Variants in KCNH7 observed in about 807,000 individuals in gnomAD.
KCNH7 encodes the protein voltage-gated inwardly rectifying potassium channel KCNH7.
KCNH7 carries 49 observed loss-of-function variants against 120.8 expected under a neutral mutation model. The ratio of observed to expected loss-of-function variants is 0.41; its 90% CI spans 0.32 to 0.51. KCNH7 has a LOEUF of 0.51. Ranked by LOEUF, KCNH7 falls within the 20% of genes least tolerant of loss-of-function variation. The pLI, the probability that KCNH7 is intolerant of heterozygous loss-of-function variation, is 0.38. For missense variants in KCNH7, 1,097 were observed against 1,446.6 expected (o/e 0.76, Z 3.92); for synonymous variants, 547 against 516.1 (o/e 1.06, Z -0.81).
At chr2:162,811,485 T>C (rs957678010) in intron 2 of KCNH7, among the ~76,000 whole-genome samples, 3 of 152,096 alleles carry the variant, frequency 2.0e-5, no homozygotes, top group South Asian at 2.1e-4. Flanking sequence ...GGTCCCTATT[T>C]TACAACTGAG....
At chr2:162,653,106 G>T (rs1168519586) in intron 2 of KCNH7, among the ~76,000 whole-genome samples, 2 of 152,136 alleles carry the variant, frequency 1.3e-5, no homozygotes, top group Non-Finnish European at 2.9e-5. Context: ...GATTTAGAAG[G>T]TATGATGTTG....
chr2:162,462,351 A>G (rs1380205024), intron 6 of KCNH7, among the ~76,000 whole-genome samples: 4 of 152,096 alleles, frequency 2.6e-5, no homozygotes, highest in African/African-American at 7.2e-5. Flanking sequence ...AGAGTGTTTC[A>G]TTGCTGTTTA....
chr2:162,604,624 C>T (rs1316232547), intron 2 of KCNH7, among the ~76,000 whole-genome samples: 6 of 152,054 alleles, frequency 3.9e-5, no homozygotes, highest in Non-Finnish European at 5.9e-5. Flanking sequence ...TCTGTATTTC[C>T]TATCTTGATG....
intron 2 of KCNH7, among the ~76,000 whole-genome samples, chr2:162,577,859 A>G (rs1693742437): frequency 6.6e-6 from 1 of 152,072 alleles, no homozygotes; most frequent in Non-Finnish European, 1.5e-5. Flanking sequence ...TTCCAAATTA[A>G]ATGAATGAAA....
At chr2:162,747,057 T>C (rs1037611517) in intron 2 of KCNH7, among the ~76,000 whole-genome samples, 1 of 152,118 alleles carries the variant, frequency 6.6e-6, no homozygotes, top group African/African-American at 2.4e-5. Flanking sequence ...TGGATAAAGA[T>C]ACAAAAACTG....
intron 2 of KCNH7, among the ~76,000 whole-genome samples, chr2:162,722,133 T>C (rs907590400): frequency 6.6e-6 from 1 of 151,994 alleles, no homozygotes; most frequent in Non-Finnish European, 1.5e-5. Flanking sequence ...AAGAAACATA[T>C]AGACACTTTT....
chr2:162,693,183 G>T (rs1686175965), intron 2 of KCNH7, among the ~76,000 whole-genome samples: 1 of 152,134 alleles, frequency 6.6e-6, no homozygotes, highest in Admixed American at 6.6e-5. Flanking sequence ...TGTTAAAATT[G>T]CTCATTGAAA....
At chr2:162,435,864 C>T (rs1573955674) in intron 7 of KCNH7, among the ~76,000 whole-genome samples, 2 of 152,040 alleles carry the variant, frequency 1.3e-5, no homozygotes, top group South Asian at 4.2e-4. Flanking sequence ...TTCTAAGTGC[C>T]TTGCATAAGT....
intron 2 of KCNH7, among the ~76,000 whole-genome samples, chr2:162,832,840 T>C (rs1356706002): frequency 6.6e-6 from 1 of 152,154 alleles, no homozygotes; most frequent in Admixed American, 6.5e-5. Flanking sequence ...CAAGACCTCT[T>C]CTGAGTTTAC....
Position 162,577,231 on chromosome 2 carries a change from TTC to T in KCNH7, c.308-40153_308-40152del, listed in dbSNP as rs555787644. Among the ~76,000 whole-genome samples, 45 of 152,022 alleles carry T rather than the reference TTC, an allele frequency of 3.0e-4. 1 individual carries two copies. The East Asian group carries it at 8.2e-3, about 28-fold the overall frequency. ...CAACACACCCAGCTTTCCCTGAAAT[TTC>T]TCTCTTTACTCTCCCTCACTTAAGG... is the stretch of plus-strand genomic sequence containing the variant. On this transcript the variant is annotated intron_variant, in intron 2 of 15. Transcript: ENST00000332142.
chr2:162,628,304 G>A (rs1204476323), intron 2 of KCNH7, among the ~76,000 whole-genome samples: 2 of 152,094 alleles, frequency 1.3e-5, no homozygotes, highest in Non-Finnish European at 2.9e-5. Flanking sequence ...GAAGAAATTA[G>A]TATTAACCAG....
chr2:162,519,000 T>G lies in KCNH7; in HGVS notation c.464-842A>C, dbSNP rs138003163. On this transcript the variant is annotated intron_variant, in intron 3 of 15. Transcript: ENST00000332142. ...ATTGTTAGGTATATAAACTCACTAG[T>G]AGTAAAAACTGCAAAGTAATACAAG... 1.1e-4 allele frequency among the ~76,000 whole-genome samples: 17 copies of G among 151,762 alleles called. 1 individual carries two copies. The highest frequency in any genetic ancestry group is 4.1e-4 in the African/African-American group (17 of 41,502).
intron 2 of KCNH7, among the ~76,000 whole-genome samples, chr2:162,752,673 C>G (rs1222577453): frequency 6.6e-6 from 1 of 151,566 alleles, no homozygotes; most frequent in Non-Finnish European, 1.5e-5. Context: ...CCAAGGCAGG[C>G]AGATCACTTG....
intron 2 of KCNH7, among the ~76,000 whole-genome samples, chr2:162,767,433 C>T (rs1682863829): frequency 6.6e-6 from 1 of 152,086 alleles, no homozygotes; most frequent in African/African-American, 2.4e-5. Context: ...ACATATTTTT[C>T]CTGAACTTGA....
At chr2:162,554,055 G>A (rs772980698) in intron 2 of KCNH7, among the ~76,000 whole-genome samples, 1 of 152,144 alleles carries the variant, frequency 6.6e-6, no homozygotes, top group Non-Finnish European at 1.5e-5. Flanking sequence ...TCATGCAACA[G>A]TAGCATGTTA....
At chr2:162,464,319 C>T (rs1689243017) in intron 6 of KCNH7, among the ~76,000 whole-genome samples, 1 of 151,878 alleles carries the variant, frequency 6.6e-6, no homozygotes, top group Admixed American at 6.6e-5. Flanking sequence ...TACTATATAT[C>T]TCATGAGAAA....
intron 12 of KCNH7, among the ~76,000 whole-genome samples, chr2:162,385,425 T>A (rs1402732866): frequency 6.6e-6 from 1 of 151,948 alleles, no homozygotes; most frequent in Non-Finnish European, 1.5e-5. Flanking sequence ...GCAGGCTGAA[T>A]TTCAACCTTA....
Position 162,508,503 on chromosome 2 carries a change from G to A in KCNH7, c.914-3846C>T, listed in dbSNP as rs563316432. Among the ~76,000 whole-genome samples the A allele has an allele frequency of 3.3e-5, 5 of 151,372 alleles. 1 individual carries two copies. The South Asian group carries it at 8.3e-4, about 25-fold the overall frequency. ...AAAAGATAATTATGCTTCTTTCTAC[G>A]GATTTTAAAGCAGATGTTTAAATGC... On this transcript the variant is annotated intron_variant, in intron 5 of 15. Transcript: ENST00000332142.
At chr2:162,751,732 T>A (rs531790648) in intron 2 of KCNH7, among the ~76,000 whole-genome samples, 50 of 151,872 alleles carry the variant, frequency 3.3e-4, no homozygotes, top group African/African-American at 1.2e-3. Context: ...AATATTTTAA[T>A]ATTTACAATC....
Sources: allele counts gnomAD v4.1 joint callset (sites outside exome capture counted in the v4.1 genomes callset), GRCh38; gene constraint gnomAD v4.1.1; transcripts MANE v1.5; gene names NCBI Gene and HGNC (gene_info 2026-07-23, HGNC 2026-07-21).